The following SYNDIG1 variants were observed in gnomAD, a reference collection of about 807,000 sequenced individuals.
SYNDIG1 encodes synapse differentiation inducing 1.
A neutral mutation model predicts 19.4 loss-of-function variants in SYNDIG1; 9 were observed. The observed-to-expected ratio is 0.46, with a 90% CI of 0.28 to 0.81. The LOEUF is 0.81. Ranked by LOEUF, SYNDIG1 falls within the 30% of genes least tolerant of loss-of-function variation. SYNDIG1 has a pLI of 0.12. For synonymous variants in SYNDIG1, 141 were observed against 145.9 expected (o/e 0.97, Z 0.24); for missense variants, 311 against 343.3 (o/e 0.91, Z 0.74).
At chr20:24,571,290 A>G (rs568673616) in intron 2 of SYNDIG1, among the ~76,000 whole-genome samples, 1 of 152,198 alleles carries the variant, frequency 6.6e-6, no homozygotes, top group African/African-American at 2.4e-5. Context: ...AAATCCGATT[A>G]AGGTCTGTGG....
At chr20:24,629,265 A>G (rs894009329) in intron 3 of SYNDIG1, among the ~76,000 whole-genome samples, 55 of 152,280 alleles carry the variant, frequency 3.6e-4, no homozygotes, top group African/African-American at 1.3e-3. Flanking sequence ...GCCTCCCAAC[A>G]GTGAGGCGAG....
intron 2 of SYNDIG1, among the ~76,000 whole-genome samples, chr20:24,548,788 G>A (rs1354840399): frequency 6.6e-6 from 1 of 152,128 alleles, no homozygotes; most frequent in Non-Finnish European, 1.5e-5. Flanking sequence ...CCTTGCTCCT[G>A]ATCTTAGGGG....
At position 24,543,582 on chromosome 20, in the gene SYNDIG1, C is replaced by G. The variant is rs4815274; in HGVS notation, c.480+5C>G. Reference sequence around the variant, plus strand: ...GAGGAGTTCCAGGAGCTGGAGGTCACAGGATGTGTTTGTCAGAGGCCCTCT... The same window carrying G: ...GAGGAGTTCCAGGAGCTGGAGGTCAGAGGATGTGTTTGTCAGAGGCCCTCT... On this transcript the variant is annotated splice_donor_5th_base_variant and intron_variant, in intron 2 of 3. Transcript: ENST00000376862. The G allele has an allele frequency of 1, 1,597,558 of 1,597,558 alleles. 798,779 individuals carry two copies. Among genetic ancestry groups the G allele is most frequent in the Non-Finnish European group, 1 (1,178,176 of 1,178,176 alleles).
Position 24,568,933 on chromosome 20 carries a change from G to A in SYNDIG1, c.481-15923G>A, listed in dbSNP as rs200408092. ...GCTGGGCTTCTCAGAGATGGTGCACGTCCGTAACCAGTTCTGAAGGCCTGA... is the reference window on the plus strand; with the variant it reads ...GCTGGGCTTCTCAGAGATGGTGCACATCCGTAACCAGTTCTGAAGGCCTGA... On this transcript the variant is annotated intron_variant, in intron 2 of 3. Transcript: ENST00000376862. Among the ~76,000 whole-genome samples, 69 of 152,252 alleles carry A rather than the reference G, an allele frequency of 4.5e-4. No homozygotes were observed. In the East Asian group the frequency reaches 5.4e-3, roughly 12 times the overall value.
chr20:24,501,617 A>T (rs1303134942), intron 1 of SYNDIG1, among the ~76,000 whole-genome samples: 1 of 152,170 alleles, frequency 6.6e-6, no homozygotes, highest in African/African-American at 2.4e-5. Flanking sequence ...TCAGTGACAT[A>T]CTTTGCCTCT....
chr20:24,592,359 C>A (rs1410802743), intron 3 of SYNDIG1, among the ~76,000 whole-genome samples: 1 of 152,176 alleles, frequency 6.6e-6, no homozygotes, highest in Non-Finnish European at 1.5e-5. Flanking sequence ...AATTCTAATT[C>A]TTTATGGCTG....
intron 2 of SYNDIG1, among the ~76,000 whole-genome samples, chr20:24,570,912 C>G (rs1408854787): frequency 2.0e-5 from 3 of 152,158 alleles, no homozygotes. Context: ...GGATTAAACA[C>G]ATCGTGTTAC....
chr20:24,542,585 C>G (rs1213370192), intron 1 of SYNDIG1, among the ~76,000 whole-genome samples: 1 of 152,200 alleles, frequency 6.6e-6, no homozygotes, highest in African/African-American at 2.4e-5. Flanking sequence ...GAGATTATTG[C>G]AATCACATAA....
At chr20:24,634,914 T>C (rs1282189094) in intron 3 of SYNDIG1, among the ~76,000 whole-genome samples, 1 of 152,188 alleles carries the variant, frequency 6.6e-6, no homozygotes, top group Non-Finnish European at 1.5e-5. Context: ...TGAGCATTGG[T>C]TGTGCGGTGT....
At chr20:24,518,279 A>C (rs2056929990) in intron 1 of SYNDIG1, among the ~76,000 whole-genome samples, 1 of 152,080 alleles carries the variant, frequency 6.6e-6, no homozygotes, top group Admixed American at 6.6e-5. Flanking sequence ...GGGAGCAAGC[A>C]GGGGAGTGGC....
At chr20:24,541,418 A>G (rs937440085) in intron 1 of SYNDIG1, among the ~76,000 whole-genome samples, 1 of 152,220 alleles carries the variant, frequency 6.6e-6, no homozygotes, top group Non-Finnish European at 1.5e-5. Context: ...GAGAGTTCTT[A>G]CAATAGTGTT....
chr20:24,577,583 G>A (rs1028743401), intron 2 of SYNDIG1, among the ~76,000 whole-genome samples: 17 of 152,346 alleles, frequency 1.1e-4, no homozygotes, highest in African/African-American at 4.1e-4. Flanking sequence ...CCTGTGATGT[G>A]GACAGAGGGT....
At chr20:24,537,586 A>G (rs1187488537) in intron 1 of SYNDIG1, among the ~76,000 whole-genome samples, 2 of 152,036 alleles carry the variant, frequency 1.3e-5, no homozygotes, top group East Asian at 3.9e-4. Flanking sequence ...GGTATGGTAT[A>G]CACTCCTCCT....
chr20:24,548,880 T>G (rs1470060157), intron 2 of SYNDIG1, among the ~76,000 whole-genome samples: 14 of 152,202 alleles, frequency 9.2e-5, no homozygotes. Flanking sequence ...AAGTTCCCTT[T>G]GTCACTACTT....
At chr20:24,554,728 G>A (rs1159081987) in intron 2 of SYNDIG1, among the ~76,000 whole-genome samples, 1 of 151,440 alleles carries the variant, frequency 6.6e-6, no homozygotes, top group Non-Finnish European at 1.5e-5. Flanking sequence ...GAGGATTTTT[G>A]CATCAATGTT....
At chr20:24,647,400 C>T (rs895430978) in intron 3 of SYNDIG1, among the ~76,000 whole-genome samples, 12 of 152,176 alleles carry the variant, frequency 7.9e-5, no homozygotes, top group Middle Eastern at 3.4e-3. Flanking sequence ...CATCAAGTCA[C>T]GCTTCAGAGG....
chr20:24,475,432 G>GTGTC (rs1236403899), intron 1 of SYNDIG1, among the ~76,000 whole-genome samples: 1 of 152,240 alleles, frequency 6.6e-6, no homozygotes, highest in African/African-American at 2.4e-5. Flanking sequence ...CATCACCCAT[G>GTGTC]TGTCTCCCTT....
At chr20:24,651,093 C>T (rs1434133665) in intron 3 of SYNDIG1, among the ~76,000 whole-genome samples, 1 of 152,204 alleles carries the variant, frequency 6.6e-6, no homozygotes, top group Non-Finnish European at 1.5e-5. Flanking sequence ...CTGCCTCTGC[C>T]TCCTTATATT....
intron 2 of SYNDIG1, among the ~76,000 whole-genome samples, chr20:24,568,862 T>A (rs542506839): frequency 6.6e-6 from 1 of 152,314 alleles, no homozygotes; most frequent in South Asian, 2.1e-4. Flanking sequence ...GAACCGAAGG[T>A]GGTCCTGTGC....
Sources: allele counts gnomAD v4.1 joint callset (sites outside exome capture counted in the v4.1 genomes callset), GRCh38; gene constraint gnomAD v4.1.1; transcripts MANE v1.5; gene names NCBI Gene and HGNC (gene_info 2026-07-23, HGNC 2026-07-21).